ERBB4: variants seen among roughly 807,000 people sequenced by gnomAD.
ERBB4 encodes the protein receptor tyrosine-protein kinase erbB-4.
In ERBB4, 42 loss-of-function variants were observed where a neutral mutation model predicts 158.0. The ratio of observed to expected loss-of-function variants is 0.27; its 90% confidence interval spans 0.21 to 0.34. The LOEUF (loss-of-function observed/expected upper bound fraction) is 0.34. Among genes scored for constraint, ERBB4 ranks in the 10% least tolerant of loss-of-function variants. ERBB4 has a pLI of 1.00. For synonymous variants in ERBB4, 583 were observed against 558.7 expected (o/e 1.04, Z -0.61); for missense variants, 1,333 against 1,624.1 (o/e 0.82, Z 3.08).
chr2:211,932,264 T>G (rs1267317424), intron 3 of ERBB4, among the ~76,000 whole-genome samples: 1 of 152,062 alleles, frequency 6.6e-6, no homozygotes, highest in African/African-American at 2.4e-5. Context: ...TCTGTTTTTA[T>G]CACTTTGCCC....
rs76532627 is a variant in ERBB4, at chr2:212,535,251, T to C, written c.82+3198A>G. Among the ~76,000 whole-genome samples the C allele has an allele frequency of 1.5e-4, 23 of 152,156 alleles. No homozygotes were observed. The East Asian group carries it at 4.0e-3, about 27-fold the overall frequency. Reference sequence around the variant, plus strand: ...AAAAGCCCCCTTTTATATATATATATATGAGAATTTCAAATTAAAAAGAAA... The same window carrying C: ...AAAAGCCCCCTTTTATATATATATACATGAGAATTTCAAATTAAAAAGAAA... On this transcript the variant is annotated intron_variant, in intron 1 of 27. Transcript: ENST00000342788.
intron 25 of ERBB4, among the ~76,000 whole-genome samples, chr2:211,405,950 A>G (rs2063137960): frequency 6.6e-6 from 1 of 152,116 alleles, no homozygotes; most frequent in Admixed American, 6.6e-5. Context: ...ACTCTGCAAC[A>G]TCCAACTGAT....
intron 2 of ERBB4, among the ~76,000 whole-genome samples, chr2:211,962,094 G>C (rs1468480662): frequency 6.6e-6 from 1 of 152,060 alleles, no homozygotes; most frequent in South Asian, 2.1e-4. Context: ...AGTTACAAAG[G>C]AGTATGCCTT....
At chr2:211,699,916 A>AT (rs1352509546) in intron 12 of ERBB4, among the ~76,000 whole-genome samples, 6 of 152,072 alleles carry the variant, frequency 3.9e-5, no homozygotes, top group South Asian at 2.1e-4. Context: ...CCCTACATTT[A>AT]TTTTTTTGCA....
chr2:211,598,703 T>G (rs1161853907), intron 19 of ERBB4, among the ~76,000 whole-genome samples: 1 of 152,228 alleles, frequency 6.6e-6, no homozygotes, highest in Non-Finnish European at 1.5e-5. Context: ...TGTATAGACT[T>G]TATATTAAAT....
intron 20 of ERBB4, among the ~76,000 whole-genome samples, chr2:211,471,445 G>T (rs2064824770): frequency 6.6e-6 from 1 of 152,106 alleles, no homozygotes; most frequent in Non-Finnish European, 1.5e-5. Context: ...AGACATAAAA[G>T]TGAAAAGTCA....
chr2:211,433,907 GTTCTGCTTCCATCAC>G (rs1259316921), intron 20 of ERBB4, among the ~76,000 whole-genome samples: 1 of 152,136 alleles, frequency 6.6e-6, no homozygotes, highest in Non-Finnish European at 1.5e-5. Flanking sequence ...CTTCCCAGGA[GTTCTGCTTCCATCAC>G]TTACAACACT....
chr2:211,837,462 A>G (rs1411655099), intron 3 of ERBB4, among the ~76,000 whole-genome samples: 1 of 152,124 alleles, frequency 6.6e-6, no homozygotes, highest in Non-Finnish European at 1.5e-5. Context: ...GTTAGATAAA[A>G]GGAAAAATTT....
intron 2 of ERBB4, among the ~76,000 whole-genome samples, chr2:211,983,247 G>A (rs1259732138): frequency 6.6e-6 from 1 of 152,120 alleles, no homozygotes; most frequent in Non-Finnish European, 1.5e-5. Flanking sequence ...AGTGGGGTTA[G>A]AAAGAAATGG....
intron 1 of ERBB4, among the ~76,000 whole-genome samples, chr2:212,300,159 T>G (rs898660705): frequency 4.6e-5 from 7 of 151,568 alleles, no homozygotes; most frequent in African/African-American, 1.4e-4. Context: ...TTCATTACTT[T>G]TGTGGTGTTT....
intron 2 of ERBB4, among the ~76,000 whole-genome samples, chr2:211,956,679 A>G (rs544103915): frequency 4.7e-4 from 72 of 152,270 alleles, no homozygotes; most frequent in African/African-American, 1.7e-3. Context: ...AATATTTTGT[A>G]TAAGTTTAGG....
chr2:211,509,956 G>T (rs1331936995), intron 20 of ERBB4, among the ~76,000 whole-genome samples: 1 of 152,038 alleles, frequency 6.6e-6, no homozygotes, highest in African/African-American at 2.4e-5. Flanking sequence ...ATGCTATTGA[G>T]GCTGAAGAGA....
In ERBB4 at chr2:212,278,905, G is replaced by A. The variant is rs940104301; in HGVS notation, c.83-154002C>T. Among the ~76,000 whole-genome samples, 11 of 151,546 alleles carry A rather than the reference G, an allele frequency of 7.3e-5. No homozygotes were observed. In the East Asian group the frequency reaches 1.9e-3, roughly 27 times the overall value. ...AATAACATTTGATTAGCTCTATTTTGGATCTGTGTCAGAGGTAAAGTATAT... is the reference window on the plus strand; with the variant it reads ...AATAACATTTGATTAGCTCTATTTTAGATCTGTGTCAGAGGTAAAGTATAT... On this transcript the variant is annotated intron_variant, in intron 1 of 27. Coordinates refer to ENST00000342788, the MANE Select transcript of ERBB4 (RefSeq NM_005235.3).
At chr2:212,231,284 T>C (rs1407700327) in intron 1 of ERBB4, among the ~76,000 whole-genome samples, 1 of 151,910 alleles carries the variant, frequency 6.6e-6, no homozygotes, top group African/African-American at 2.4e-5. Context: ...CCTGAGGGTG[T>C]CCGAAAGGAA....
intron 3 of ERBB4, among the ~76,000 whole-genome samples, chr2:211,942,370 A>G (rs1287607585): frequency 1.3e-5 from 2 of 149,052 alleles, no homozygotes; most frequent in Non-Finnish European, 3.0e-5. Flanking sequence ...TTATTTATTT[A>G]TTTTGGGACA....
At chr2:211,975,050 C>T (rs1262969830) in intron 2 of ERBB4, among the ~76,000 whole-genome samples, 2 of 151,964 alleles carry the variant, frequency 1.3e-5, no homozygotes, top group African/African-American at 2.4e-5. Context: ...GTGGCACAAT[C>T]GCAGCCCACT....
chr2:211,782,253 A>G (rs2076054630), intron 4 of ERBB4, among the ~76,000 whole-genome samples: 1 of 151,936 alleles, frequency 6.6e-6, no homozygotes, highest in Admixed American at 6.6e-5. Context: ...CCATGTCTGC[A>G]CTCATCCATC....
intron 2 of ERBB4, among the ~76,000 whole-genome samples, chr2:212,055,639 G>T (rs2077539509): frequency 1.3e-5 from 2 of 152,230 alleles, no homozygotes; most frequent in Admixed American, 6.5e-5. Flanking sequence ...CTGTTCTGCA[G>T]CCACCACTGC....
At chr2:211,385,877 G>T (rs536612207) in intron 27 of ERBB4, among the ~76,000 whole-genome samples, 1 of 152,090 alleles carries the variant, frequency 6.6e-6, no homozygotes, top group African/African-American at 2.4e-5. Flanking sequence ...GTCTACATTT[G>T]TGTCATTACT....
Sources: gnomAD v4.1 joint callset for allele counts (sites outside exome capture counted in the v4.1 genomes callset) on GRCh38, gnomAD v4.1.1 for gene constraint, MANE v1.5 for transcripts, NCBI Gene and HGNC (gene_info 2026-07-23, HGNC 2026-07-21) for gene names.